The following CNTN4 variants were observed in gnomAD, a reference collection of about 807,000 sequenced individuals.
CNTN4 encodes the protein contactin 4, also known as contactin-4.
A neutral mutation model predicts 122.5 loss-of-function variants in CNTN4; 77 were observed. The ratio of observed to expected loss-of-function variants is 0.63; its 90% CI spans 0.52 to 0.76. The LOEUF is 0.76. CNTN4 is among the 30% of genes least tolerant of loss of function. CNTN4 has a pLI of 0.00. For missense variants in CNTN4, 1,256 were observed against 1,259.1 expected (o/e 1.00, Z 0.04); for synonymous variants, 512 against 447.0 (o/e 1.15, Z -1.83).
intron 2 of CNTN4, among the ~76,000 whole-genome samples, chr3:2,164,661 A>G (rs1431388657): frequency 6.6e-6 from 1 of 152,192 alleles, no homozygotes; most frequent in African/African-American, 2.4e-5. Flanking sequence ...AGGAAAAGAG[A>G]ATTTGACTAT....
chr3:2,409,166 C>T (rs2047139443), intron 3 of CNTN4, among the ~76,000 whole-genome samples: 1 of 151,846 alleles, frequency 6.6e-6, no homozygotes, highest in African/African-American at 2.4e-5. Flanking sequence ...AATTAAAGCA[C>T]ACTCATCTTG....
intron 2 of CNTN4, among the ~76,000 whole-genome samples, chr3:2,245,355 A>G (rs760188219): frequency 1.3e-5 from 2 of 152,062 alleles, no homozygotes; most frequent in Admixed American, 6.6e-5. Context: ...CCGAGTAGCT[A>G]CTTTGTGCCA....
At chr3:2,261,541 C>G (rs1234681341) in intron 2 of CNTN4, among the ~76,000 whole-genome samples, 1 of 152,094 alleles carries the variant, frequency 6.6e-6, no homozygotes, top group Non-Finnish European at 1.5e-5. Flanking sequence ...ATGTTAATAA[C>G]TTTCTACTAT....
At chr3:2,483,951 T>A (rs2076075838) in intron 3 of CNTN4, among the ~76,000 whole-genome samples, 1 of 152,128 alleles carries the variant, frequency 6.6e-6, no homozygotes, top group South Asian at 2.1e-4. Flanking sequence ...AAAGAATTGA[T>A]AGGCTGGACA....
chr3:2,301,844 C>T (rs751815136), intron 2 of CNTN4, among the ~76,000 whole-genome samples: 3 of 152,198 alleles, frequency 2.0e-5, no homozygotes, highest in Non-Finnish European at 4.4e-5. Context: ...ATAAACTCTA[C>T]TTAATATAAT....
At chr3:2,785,913 A>ACCCCCCCCCCCCCC (rs2091801622) in intron 6 of CNTN4, among the ~76,000 whole-genome samples, 1 of 10,412 alleles carries the variant, frequency 9.6e-5, no homozygotes, top group Non-Finnish European at 2.1e-4. Flanking sequence ...CCGCCCCCCC[A>ACCCCCCCCCCCCCC]TCCTGTACCC....
intron 3 of CNTN4, among the ~76,000 whole-genome samples, chr3:2,555,545 T>C (rs1200941866): frequency 2.0e-5 from 3 of 152,096 alleles, no homozygotes. Context: ...AAAGCACATA[T>C]GAGAAGTACT....
chr3:2,299,015 T>A (rs1230107310), intron 2 of CNTN4, among the ~76,000 whole-genome samples: 1 of 7,254 alleles, frequency 1.4e-4, no homozygotes, highest in Non-Finnish European at 0.011. Context: ...AAATTTCACC[T>A]GTCGGGGGGT....
At chr3:2,400,416 T>TATAGATATAC (rs2046801784) in intron 3 of CNTN4, among the ~76,000 whole-genome samples, 1 of 62,914 alleles carries the variant, frequency 1.6e-5, no homozygotes, top group Non-Finnish European at 3.7e-5. Flanking sequence ...TATATATATA[T>TATAGATATAC]ATATATATAT....
In CNTN4 at chr3:2,259,602, C is replaced by G. The variant is rs909241163; in HGVS notation, c.-144-79576C>G. ...AAGGCACATCTTACATGGCTGCAGGCAAGAGAGAATGAGCGCCAAGCAAAA... is the reference window on the plus strand; with the variant it reads ...AAGGCACATCTTACATGGCTGCAGGGAAGAGAGAATGAGCGCCAAGCAAAA... On this transcript the variant is annotated intron_variant, in intron 2 of 24. Transcript: ENST00000418658. 2.6e-5 allele frequency among the ~76,000 whole-genome samples: 4 copies of G among 152,218 alleles called. No individual in the cohort carries two copies. In the South Asian group the frequency reaches 8.3e-4, roughly 32 times the overall value.
chr3:3,010,785 C>T (rs1053229832), intron 14 of CNTN4, among the ~76,000 whole-genome samples: 4 of 152,122 alleles, frequency 2.6e-5, no homozygotes, highest in Non-Finnish European at 5.9e-5. Context: ...GGTTAGTTCC[C>T]ATTCCATTTC....
chr3:2,759,466 G>A (rs1481325158), intron 6 of CNTN4, among the ~76,000 whole-genome samples: 1 of 152,042 alleles, frequency 6.6e-6, no homozygotes, highest in African/African-American at 2.4e-5. Flanking sequence ...TTATTTTTAG[G>A]TCTAAAGAAT....
At chr3:2,880,800 C>G (rs763981206) in intron 8 of CNTN4, among the ~76,000 whole-genome samples, 11 of 152,130 alleles carry the variant, frequency 7.2e-5, no homozygotes, top group Non-Finnish European at 1.5e-4. Context: ...TTCTGTGGGA[C>G]TAAAGATAAA....
At chr3:2,465,248 C>T (rs893501441) in intron 3 of CNTN4, among the ~76,000 whole-genome samples, 3 of 152,116 alleles carry the variant, frequency 2.0e-5, no homozygotes, top group Non-Finnish European at 4.4e-5. Flanking sequence ...GTGAGGCAGA[C>T]AACCATGAAG....
chr3:2,310,880 G>A (rs1021386540), intron 2 of CNTN4, among the ~76,000 whole-genome samples: 8 of 151,968 alleles, frequency 5.3e-5, no homozygotes, highest in African/African-American at 1.2e-4. Flanking sequence ...GCACAAATCC[G>A]GTTAACTCTC....
chr3:2,759,443 G>T (rs184033560), intron 6 of CNTN4, among the ~76,000 whole-genome samples: 124 of 152,286 alleles, frequency 8.1e-4, no homozygotes, highest in African/African-American at 2.9e-3. Context: ...ACCATGCCTA[G>T]CCAGTACTTC....
chr3:2,887,335 CTG>C, intron 10 of CNTN4, 111 bp downstream of exon 10: 5 of 989,498 alleles, frequency 5.1e-6, no homozygotes, highest in South Asian at 2.8e-5. Context: ...CAGAATAGGA[CTG>C]TGTGAAACTC....
intron 4 of CNTN4, among the ~76,000 whole-genome samples, chr3:2,594,780 GTT>G (rs1312764920): frequency 6.6e-6 from 1 of 151,998 alleles, no homozygotes; most frequent in Non-Finnish European, 1.5e-5. Context: ...ATGTGTGTTT[GTT>G]TGTGTGTGTG....
intron 4 of CNTN4, among the ~76,000 whole-genome samples, chr3:2,584,889 C>G (rs537823694): frequency 8.0e-5 from 12 of 150,568 alleles, no homozygotes; most frequent in Admixed American, 7.3e-4. Context: ...TAGGTAGATA[C>G]GAAGTAGGAA....
Sources: allele counts gnomAD v4.1 joint callset (sites outside exome capture counted in the v4.1 genomes callset), GRCh38; gene constraint gnomAD v4.1.1; transcripts MANE v1.5; gene names NCBI Gene and HGNC (gene_info 2026-07-23, HGNC 2026-07-21).